Variants in RALGAPA2 observed in about 807,000 individuals in gnomAD.
RALGAPA2 encodes Ral GTPase activating protein catalytic subunit alpha 2, also known as ral GTPase-activating protein subunit alpha-2.
RALGAPA2 carries 139 observed loss-of-function variants against 230.4 expected under a neutral mutation model. The observed-to-expected ratio is 0.60, with a 90% confidence interval of 0.53 to 0.69. The LOEUF is 0.69. Ranked by LOEUF, RALGAPA2 falls within the 30% of genes least tolerant of loss-of-function variation. RALGAPA2 has a pLI of 0.00. For synonymous variants in RALGAPA2, 847 were observed against 837.8 expected (o/e 1.01, Z -0.19); for missense variants, 2,163 against 2,276.0 (o/e 0.95, Z 1.01).
chr20:20,546,795 C>T lies in RALGAPA2; in HGVS notation c.3194G>A (p.Arg1065His), dbSNP rs780580184. The change falls in exon 24 of 40, where the codon CGC (arginine) becomes CAC (histidine). Residue 1065 changes from arginine to histidine, a missense_variant. Transcript: ENST00000202677. ...GCCAGGAAAACCCAGGGAGAAAAAG[C>T]GGGGTGGACAGTGCCTTATGATCGT... ...LNTIIRHCPP[R>H]FFSLGFPGFS... 15 of 1,609,658 alleles carry T rather than the reference C, an allele frequency of 9.3e-6. No individual in the cohort carries two copies. The highest frequency in any genetic ancestry group is 5.5e-5 in the South Asian group (5 of 90,366).
At chr20:20,414,235 C>T (rs961704245) in intron 37 of RALGAPA2, among the ~76,000 whole-genome samples, 1 of 152,150 alleles carries the variant, frequency 6.6e-6, no homozygotes, top group Non-Finnish European at 1.5e-5. Flanking sequence ...TTCATGGCTC[C>T]CCCTTTCAGT....
chr20:20,620,084 C>A (rs1170409735), intron 11 of RALGAPA2, among the ~76,000 whole-genome samples: 1 of 152,214 alleles, frequency 6.6e-6, no homozygotes, highest in Non-Finnish European at 1.5e-5. Context: ...AAAGTCTACC[C>A]AAACATTCTC....
At chr20:20,401,975 G>A (rs1478926255) in intron 38 of RALGAPA2, among the ~76,000 whole-genome samples, 3 of 152,224 alleles carry the variant, frequency 2.0e-5, no homozygotes, top group Non-Finnish European at 2.9e-5. Context: ...TGCCTTCAGG[G>A]AGGGACATTT....
intron 39 of RALGAPA2, among the ~76,000 whole-genome samples, chr20:20,396,243 C>T (rs1569356921): frequency 6.6e-6 from 1 of 152,268 alleles, no homozygotes. Context: ...CAGCCCCCGC[C>T]ACAACCTGCC....
At chr20:20,435,753 C>T (rs2060597616) in intron 37 of RALGAPA2, among the ~76,000 whole-genome samples, 3 of 152,186 alleles carry the variant, frequency 2.0e-5, no homozygotes, top group South Asian at 2.1e-4. Context: ...GCTCTGTTCT[C>T]TTCACGAAGG....
intron 37 of RALGAPA2, among the ~76,000 whole-genome samples, chr20:20,430,738 C>G (rs988911061): frequency 2.6e-5 from 4 of 152,166 alleles, no homozygotes; most frequent in South Asian, 2.1e-4. Context: ...ATAGCAGACA[C>G]AAGATCTCAC....
chr20:20,706,232 C>G lies in RALGAPA2; in HGVS notation c.106+6143G>C, dbSNP rs879832303. Among the ~76,000 whole-genome samples the G allele has an allele frequency of 2.2e-4, 34 of 152,168 alleles. 1 individual carries two copies. Among genetic ancestry groups the G allele is most frequent in the Admixed American group, 2.2e-3 (33 of 15,276 alleles). On this transcript the variant is annotated intron_variant, in intron 1 of 39. Transcript: ENST00000202677. ...ACATTTACCCTGTGTTCACTTTTCT[C>G]ACATCAGAAGTCTAGACAACCTCAA...
chr20:20,436,602 G>A (rs1248990793), intron 37 of RALGAPA2, among the ~76,000 whole-genome samples: 1 of 152,198 alleles, frequency 6.6e-6, no homozygotes, highest in African/African-American at 2.4e-5. Flanking sequence ...ACCAGCCCAG[G>A]GAAGCCATCT....
At chr20:20,539,351 C>A (rs996381629) in intron 24 of RALGAPA2, among the ~76,000 whole-genome samples, 10 of 152,164 alleles carry the variant, frequency 6.6e-5, no homozygotes, top group African/African-American at 2.4e-4. Flanking sequence ...CAAGTTTAAA[C>A]AAGAAAGTAC....
chr20:20,698,306 T>C (rs1046480692), intron 1 of RALGAPA2, among the ~76,000 whole-genome samples: 2 of 151,888 alleles, frequency 1.3e-5, no homozygotes, highest in Non-Finnish European at 2.9e-5. Context: ...AGTCTCACTC[T>C]GTCGTCCAGG....
At chr20:20,697,060 A>G (rs2069141068) in intron 1 of RALGAPA2, among the ~76,000 whole-genome samples, 1 of 152,052 alleles carries the variant, frequency 6.6e-6, no homozygotes, top group African/African-American at 2.4e-5. Context: ...CATCCACCCT[A>G]ATAGAATGAA....
intron 37 of RALGAPA2, among the ~76,000 whole-genome samples, chr20:20,462,929 G>C (rs1019102101): frequency 2.6e-5 from 4 of 152,194 alleles, no homozygotes; most frequent in African/African-American, 9.6e-5. Context: ...TAAACGTTCT[G>C]TGGATGCTGT....
At chr20:20,653,787 T>G (rs995299813) in intron 3 of RALGAPA2, among the ~76,000 whole-genome samples, 200 bp from the exon 4 acceptor site, 1 of 152,154 alleles carries the variant, frequency 6.6e-6, no homozygotes, top group Non-Finnish European at 1.5e-5. Context: ...ACCTGAATGT[T>G]TTAAAGAGAT....
chr20:20,423,922 G>A (rs565338176), intron 37 of RALGAPA2, among the ~76,000 whole-genome samples: 1 of 152,160 alleles, frequency 6.6e-6, no homozygotes, highest in Non-Finnish European at 1.5e-5. Flanking sequence ...TCAAAAAGAA[G>A]AAAATACCAT....
intron 37 of RALGAPA2, among the ~76,000 whole-genome samples, chr20:20,469,568 T>C (rs1038145375): frequency 4.6e-5 from 7 of 152,198 alleles, no homozygotes; most frequent in Non-Finnish European, 7.4e-5. Flanking sequence ...ATTGAGACTA[T>C]TGTTCTATTG....
intron 2 of RALGAPA2, among the ~76,000 whole-genome samples, chr20:20,677,629 A>ATTTTTTTTTTTT (rs758379115): frequency 3.1e-5 from 2 of 64,284 alleles, no homozygotes; most frequent in African/African-American, 7.3e-5. Context: ...GATTTGACCC[A>ATTTTTTTTTTTT]TTTTTTTTTT....
At chr20:20,584,743 A>G in intron 19 of RALGAPA2, 122 bp downstream of exon 19, 1 of 715,718 alleles carries the variant, frequency 1.4e-6, no homozygotes, top group Non-Finnish European at 2.2e-6. Context: ...ATTGTGCCAG[A>G]GCACTCCAGC....
chr20:20,635,706 C>T, intron 8 of RALGAPA2, 89 bp from the exon 9 acceptor site: 1 of 1,201,014 alleles, frequency 8.3e-7, no homozygotes. Context: ...CAATTAAATC[C>T]AATTTTTGGT....
At chr20:20,419,854 T>C (rs1437376917) in intron 37 of RALGAPA2, among the ~76,000 whole-genome samples, 2 of 152,168 alleles carry the variant, frequency 1.3e-5, no homozygotes, top group Non-Finnish European at 2.9e-5. Context: ...TCAAGAGATA[T>C]GTATTGAGTG....
Sources: gnomAD v4.1 joint callset for allele counts (sites outside exome capture counted in the v4.1 genomes callset) on GRCh38, gnomAD v4.1.1 for gene constraint, MANE v1.5 for transcripts, NCBI Gene and HGNC (gene_info 2026-07-23, HGNC 2026-07-21) for gene names.